Variants in SARS2 observed in about 807,000 individuals in gnomAD.
The protein encoded by SARS2 is serine--tRNA ligase, mitochondrial.
SARS2 carries 52 observed loss-of-function variants against 66.8 expected under a neutral mutation model. That is an observed-to-expected ratio of 0.78 (90% confidence interval 0.62 to 0.98). The LOEUF (loss-of-function observed/expected upper bound fraction) is 0.98, where lower values mean the gene tolerates loss of function less well. SARS2 is among the 50% of genes least tolerant of loss of function. The pLI, the probability that SARS2 is intolerant of heterozygous loss-of-function variation, is 0.00. For missense variants in SARS2, 673 were observed against 706.3 expected (o/e 0.95, Z 0.53); for synonymous variants, 306 against 281.4 (o/e 1.09, Z -0.87).
chr19:38,924,399 C>T (rs1400889108), intron 2 of SARS2, among the ~76,000 whole-genome samples: 1 of 152,178 alleles, frequency 6.6e-6, no homozygotes, highest in Non-Finnish European at 1.5e-5. Flanking sequence ...GATAACAGGA[C>T]CTCCCTGGGC....
At chr19:38,920,371 G>A (rs1974498447) in intron 5 of SARS2, among the ~76,000 whole-genome samples, 2 of 151,374 alleles carry the variant, frequency 1.3e-5, no homozygotes, top group African/African-American at 4.9e-5. Flanking sequence ...GAAATGAGAG[G>A]AGGCAGAGAG....
chr19:38,930,727 A>G lies in SARS2; in HGVS notation c.10T>C (p.Ser4Pro). 8.1e-6 allele frequency: 13 copies of G among 1,613,372 alleles called. No homozygotes were observed. The highest frequency in any genetic ancestry group is 1.1e-5 in the Non-Finnish European group (13 of 1,180,010). MAA[S>P]MARRLWPLLT... ...AAAGGCCACAAGCGCCGCGCCATGG[A>G]CGCAGCCATCTTGGACCGGGAACAA... is the stretch of plus-strand genomic sequence containing the variant. The change falls in exon 1 of 16, where the codon TCC becomes CCC. Residue 4 changes from serine (S) to proline (P), a missense_variant. Ser to Pro is a moderately conservative substitution (Grantham distance 74). Transcript: ENST00000221431.
At chr19:38,930,325 G>A (rs1974711745) in intron 1 of SARS2, 145 bp downstream of exon 1, 4 of 1,030,442 alleles carry the variant, frequency 3.9e-6, no homozygotes, top group African/African-American at 1.6e-5. Context: ...GCACATAAGT[G>A]GGTGCCATGC....
intron 5 of SARS2, among the ~76,000 whole-genome samples, chr19:38,920,970 GACACACACAAACACAGACAC>G (rs1974517300): frequency 7.5e-6 from 1 of 134,068 alleles, no homozygotes; most frequent in Non-Finnish European, 1.6e-5. Context: ...CACAGATACA[GACACACACAAACACAGACAC>G]ACACACACAG....
At chr19:38,918,182 C>T (rs1321235093) in intron 9 of SARS2, 43 bp from the exon 10 acceptor site, 1 of 1,566,074 alleles carries the variant, frequency 6.4e-7, no homozygotes, top group East Asian at 2.4e-5. Flanking sequence ...TGCCAGTGCC[C>T]AGAGGAAGCC....
intron 1 of SARS2, among the ~76,000 whole-genome samples, chr19:38,926,648 T>G (rs1044193817): frequency 5.9e-5 from 9 of 151,918 alleles, no homozygotes; most frequent in African/African-American, 2.2e-4. Context: ...CACCCAGGTG[T>G]GATGGCAGGC....
chr19:38,924,661 G>A (rs572488042), intron 2 of SARS2, among the ~76,000 whole-genome samples: 28 of 151,998 alleles, frequency 1.8e-4, no homozygotes, highest in African/African-American at 5.3e-4. Flanking sequence ...GTTTTTTCTC[G>A]GAGACAGGGT....
intron 1 of SARS2, among the ~76,000 whole-genome samples, chr19:38,929,343 G>A (rs1414413637): frequency 6.6e-6 from 1 of 151,226 alleles, no homozygotes; most frequent in Non-Finnish European, 1.5e-5. Context: ...TCACTTGGGC[G>A]CAGGAGTTCA....
Position 38,917,951 on chromosome 19 carries a change from C to G in SARS2, c.1020G>C (p.Arg340=). 1.2e-6 allele frequency: 2 copies of G among 1,609,498 alleles called. No homozygotes were observed. Among genetic ancestry groups the G allele is most frequent in the Non-Finnish European group, 1.7e-6 (2 of 1,177,808 alleles). ...TGAAGTGGTGTACTCGATACAGCCC[C>G]CGGGGTTCCTGTCCCGTGTTTGTCT... The part of the protein sequence containing the change: ...RAETNTGQEP[R]GLYRVHHFTK... Residue 340 remains arginine (R), a synonymous_variant, in exon 11 of 16, where the codon CGG becomes CGC. Transcript: ENST00000221431.
intron 2 of SARS2, among the ~76,000 whole-genome samples, chr19:38,924,984 G>A (rs187909968): frequency 2.6e-5 from 4 of 152,284 alleles, no homozygotes; most frequent in African/African-American, 9.6e-5. Flanking sequence ...TTTTTAAGCC[G>A]TCTGTGGCAG....
chr19:38,923,961 G>A (rs779717855), intron 2 of SARS2, among the ~76,000 whole-genome samples: 4 of 122,488 alleles, frequency 3.3e-5, no homozygotes, highest in Non-Finnish European at 4.9e-5. Context: ...GTGGAAGAGC[G>A]AGACTCAGTC....
rs73046066 is a variant in SARS2, at chr19:38,916,665, T to G, written c.1161-351A>C. On this transcript the variant is annotated intron_variant, in intron 12 of 15. Coordinates refer to ENST00000221431, the MANE Select transcript of SARS2 (RefSeq NM_017827.4). ...ATTTGCACCTTCTAGGCACCCTCGGTTTTTTTTTTTTTTTTGAGACGGAGT... is the reference window on the plus strand; with the variant it reads ...ATTTGCACCTTCTAGGCACCCTCGGGTTTTTTTTTTTTTTTGAGACGGAGT... Among the ~76,000 whole-genome samples the G allele has an allele frequency of 5.7e-3, 102 of 17,998 alleles. 5 individuals are homozygous for G. The East Asian group carries it at 0.14, about 24-fold the overall frequency. The allele number at this position is 17,998 out of a possible 152,430, so 11.8% of individuals were successfully genotyped here. A position where few individuals can be genotyped will look rare whatever the true frequency, so the allele number is the denominator to read the frequency against.
intron 3 of SARS2, chr19:38,921,952 C>G: frequency 6.5e-7 from 1 of 1,548,298 alleles, no homozygotes; most frequent in Middle Eastern, 1.7e-4. Flanking sequence ...AGCCCCAGGA[C>G]TTTAACTGGA....
intron 1 of SARS2, among the ~76,000 whole-genome samples, chr19:38,928,501 G>A (rs1306769228): frequency 1.3e-5 from 2 of 148,198 alleles, no homozygotes; most frequent in Non-Finnish European, 3.0e-5. Flanking sequence ...TGCATCACAC[G>A]TGGTAAGAGC....
At position 38,926,233 on chromosome 19, in the gene SARS2, G is replaced by C. The variant is rs1974625415; in HGVS notation, c.335C>G (p.Ala112Gly). 1 of 1,606,634 alleles carries C rather than the reference G, an allele frequency of 6.2e-7. No homozygotes were observed. The highest frequency in any genetic ancestry group is 8.5e-7 in the Non-Finnish European group (1 of 1,179,976). ...CAGGGCCCGCACTGCCTCAGTCACA[G>C]CTGCCTTCTCTTCCTCCAGGCTCCG... ...QIRSLEEEKA[A>G]VTEAVRALLA... The change falls in exon 2 of 16, where the codon GCT becomes GGT. Residue 112 changes from alanine to glycine, a missense_variant. Ala to Gly is a moderately conservative substitution (Grantham distance 60). Transcript: ENST00000221431.
intron 5 of SARS2, among the ~76,000 whole-genome samples, chr19:38,921,062 C>CAG (rs1568425747): frequency 4.1e-5 from 4 of 97,972 alleles, no homozygotes; most frequent in Non-Finnish European, 5.4e-5. Flanking sequence ...CAGACACACA[C>CAG]ATACAGATAC....
At chr19:38,928,399 C>T (rs922387823) in intron 1 of SARS2, 1 of 126,846 alleles carries the variant, frequency 7.9e-6, no homozygotes, top group African/African-American at 3.0e-5. Flanking sequence ...GAACAAACAA[C>T]AAAAACACAC....
chr19:38,928,104 C>T (rs979309501), intron 1 of SARS2, among the ~76,000 whole-genome samples: 1 of 147,342 alleles, frequency 6.8e-6, no homozygotes, highest in South Asian at 2.2e-4. Flanking sequence ...AATAGCCAGG[C>T]GCAGTGGCTC....
In SARS2 at chr19:38,918,680, C is replaced by T. The variant is rs970755827; in HGVS notation, c.807+86G>A. On this transcript the variant is annotated intron_variant, in intron 8 of 15. Coordinates refer to ENST00000221431, the MANE Select transcript of SARS2 (RefSeq NM_017827.4). ...TGGCCCCCTCAACCCAGCCCCAGGG[C>T]GGTCTCCTCAGGTTTCCCTGCCTCG... 2.8e-5 allele frequency: 41 copies of T among 1,482,266 alleles called. 1 individual carries two copies. Among genetic ancestry groups the T allele is most frequent in the African/African-American group, 2.5e-4 (18 of 71,612 alleles). 91.8% of individuals were successfully genotyped at this position (1,482,266 alleles called of 1,614,324 possible). A position where few individuals can be genotyped will look rare whatever the true frequency, so the allele number is the denominator to read the frequency against.
Sources: gnomAD v4.1 joint callset for allele counts (sites outside exome capture counted in the v4.1 genomes callset) on GRCh38, gnomAD v4.1.1 for gene constraint, MANE v1.5 for transcripts, NCBI Gene and HGNC (gene_info 2026-07-23, HGNC 2026-07-21) for gene names.